GAK: variants seen among roughly 807,000 people sequenced by gnomAD.
GAK encodes cyclin G associated kinase.
GAK carries 79 observed loss-of-function variants against 143.9 expected under a neutral mutation model. That is an observed-to-expected ratio of 0.55 (90% CI 0.46 to 0.66). The LOEUF is 0.66. Among genes scored for constraint, GAK ranks in the 30% least tolerant of loss-of-function variants. The pLI, the probability that GAK is intolerant of heterozygous loss-of-function variation, is 0.00. For synonymous variants in GAK, 881 were observed against 765.5 expected (o/e 1.15, Z -2.49); for missense variants, 1,693 against 1,779.7 (o/e 0.95, Z 0.88).
rs747778612 is a variant in GAK at position 893,992 on chromosome 4, C to T, written c.759G>A (p.Leu253=). Residue 253 remains leucine (L), a synonymous_variant, in exon 8 of 28, where the codon TTG becomes TTA. Transcript: ENST00000314167. ...KQDIWALGCI[L]YLLCFRQHPF... is the part of the protein sequence containing the mutation. ...GGTGCTGCCGGAAGCACAGCAGGTACAAGATGCAGCCCAGGGCCTGCGGGG... is the reference window on the plus strand; with the variant it reads ...GGTGCTGCCGGAAGCACAGCAGGTATAAGATGCAGCCCAGGGCCTGCGGGG... 3 of 1,608,996 alleles carry T rather than the reference C, an allele frequency of 1.9e-6. No individual in the cohort carries two copies. The highest frequency in any genetic ancestry group is 1.7e-5 in the Admixed American group (1 of 59,466).
chr4:932,287 T>G lies in GAK; in HGVS notation c.-100A>C, dbSNP rs545668032. 1.4e-6 allele frequency: 2 copies of G among 1,393,698 alleles called. No individual in the cohort carries two copies. Among genetic ancestry groups the G allele is most frequent in the East Asian group, 5.9e-5 (2 of 33,800 alleles). 86.3% of individuals were successfully genotyped at this position (1,393,698 alleles called of 1,614,324 possible). A position where few individuals can be genotyped will look rare whatever the true frequency, so the allele number is the denominator to read the frequency against. On this transcript the variant is annotated 5_prime_UTR_variant, in exon 1 of 28. Coordinates refer to ENST00000314167, the MANE Select transcript of GAK (RefSeq NM_005255.4). This position sits in a 1 kb window ranked among gnomAD's most constrained non-coding sequence, Gnocchi z 4.0. ...AGCTCAGCAACCGCCGGCCCGGAGG[T>G]GCACCATCTTCCGCCTCGACGCCGT... is the stretch of plus-strand genomic sequence containing the variant.
At chr4:856,583 C>CCACCACAGCTGCTCACCACAGCTGCT (rs1749297277) in intron 24 of GAK, among the ~76,000 whole-genome samples, 1 of 73,450 alleles carries the variant, frequency 1.4e-5, no homozygotes, top group Non-Finnish European at 2.8e-5. Context: ...CAGCTGCTCA[C>CCACCACAGCTGCTCACCACAGCTGCT]CACCACAGGT....
At chr4:904,085 GC>G (rs1366654197) in intron 5 of GAK, among the ~76,000 whole-genome samples, 2 of 152,256 alleles carry the variant, frequency 1.3e-5, no homozygotes, top group Admixed American at 1.3e-4. Flanking sequence ...CTGAGCGGGA[GC>G]CCCCCACAGA....
intron 26 of GAK, chr4:850,272 G>A: frequency 2.1e-6 from 1 of 472,010 alleles, no homozygotes; most frequent in Non-Finnish European, 3.7e-6. Context: ...TGGTCTTCAT[G>A]TTTCAGGGCC....
At chr4:903,399 G>A (rs541031962) in intron 5 of GAK, among the ~76,000 whole-genome samples, 6 of 152,208 alleles carry the variant, frequency 3.9e-5, no homozygotes, top group African/African-American at 1.4e-4. Flanking sequence ...CCCTCAAGCT[G>A]AGTAGGCAAG....
chr4:883,427 A>G lies in GAK; in HGVS notation c.1292T>C (p.Leu431Pro). The change falls in exon 13 of 28, where the codon CTC becomes CCC. Residue 431 changes from leucine to proline, a missense_variant. Around this residue, in one of 2 missense-constraint regions of GAK, gnomAD observed 871 missense variants for 991.0 expected, o/e 0.88. Transcript: ENST00000314167. ...CCGCACATCTTCGATGTTGTTTTTGAGCGCTGACTCCACACCTTCTGCTGG... is the reference window on the plus strand; with the variant it reads ...CCGCACATCTTCGATGTTGTTTTTGGGCGCTGACTCCACACCTTCTGCTGG... ...SFPAEGVESA[L>P]KNNIEDVRLF... 1 of 1,613,732 alleles carries G rather than the reference A, an allele frequency of 6.2e-7. No individual in the cohort carries two copies. The highest frequency in any genetic ancestry group is 1.1e-5 in the South Asian group (1 of 91,086).
chr4:931,460 C>T (rs897264226), intron 1 of GAK, among the ~76,000 whole-genome samples: 3 of 145,834 alleles, frequency 2.1e-5, no homozygotes, highest in Admixed American at 7.0e-5. Flanking sequence ...ACCTGCAACA[C>T]GTGTGCACCC....
chr4:859,080 A>G lies in GAK; in HGVS notation c.3283+526T>C, dbSNP rs561499255. On this transcript the variant is annotated intron_variant, in intron 24 of 27. Coordinates refer to ENST00000314167, the MANE Select transcript of GAK (RefSeq NM_005255.4). ...GGATGCATCTTGGGAGTGAACCCAG[A>G]GACCCAGGGGCATCAGGTCAGCCCA... 223 of 787,462 alleles carry G rather than the reference A, an allele frequency of 2.8e-4. 1 individual carries two copies. In the South Asian group the frequency reaches 7.2e-3, roughly 25 times the overall value. The allele number at this position is 787,462 out of a possible 1,614,324, so 48.8% of individuals were successfully genotyped here.
intron 4 of GAK, among the ~76,000 whole-genome samples, chr4:908,037 G>T (rs1356141221): frequency 6.6e-6 from 1 of 152,156 alleles, no homozygotes; most frequent in East Asian, 1.9e-4. Context: ...ACTGGACGCC[G>T]AGCAGCTTCA....
chr4:896,573 AG>A (rs1718813688), intron 6 of GAK, 24 bp from the exon 7 acceptor site: 2 of 1,567,026 alleles, frequency 1.3e-6, no homozygotes, highest in East Asian at 4.5e-5. Flanking sequence ...AACATTTCAA[AG>A]GAAAAGTTGC....
At position 911,064 on chromosome 4, in the gene GAK, C is replaced by T. The variant is rs1027603226; in HGVS notation, c.382+609G>A. Among the ~76,000 whole-genome samples the T allele has an allele frequency of 2.8e-4, 43 of 152,194 alleles. No homozygotes were observed. The Middle Eastern group carries it at 0.017, about 60-fold the overall frequency. On this transcript the variant is annotated intron_variant, in intron 4 of 27. Transcript: ENST00000314167. ...CTCTGCCCCTAGAACTCTCCGAAAG[C>T]ACCACCCCAACCCACCGGCCTCTCT... is the stretch of plus-strand genomic sequence containing the variant.
At chr4:890,230 C>T (rs1016522208) in intron 10 of GAK, among the ~76,000 whole-genome samples, 1 of 152,160 alleles carries the variant, frequency 6.6e-6, no homozygotes, top group African/African-American at 2.4e-5. Flanking sequence ...TGAGCGAGGC[C>T]GCCTGGTCAC....
At chr4:853,786 T>C (rs2152687259) in intron 24 of GAK, 1 of 149,264 alleles carries the variant, frequency 6.7e-6, no homozygotes, top group Admixed American at 6.8e-5. Context: ...GGTCTCTTCA[T>C]GTCTCTTGCC....
chr4:920,105 G>C (rs987554725), intron 1 of GAK, among the ~76,000 whole-genome samples: 1 of 152,050 alleles, frequency 6.6e-6, no homozygotes, highest in Non-Finnish European at 1.5e-5. Flanking sequence ...AGGTGAGATC[G>C]AGACCATCCT....
chr4:894,230 CAG>C (rs1718293333), intron 7 of GAK: 2 of 359,534 alleles, frequency 5.6e-6, no homozygotes, highest in East Asian at 5.7e-5. Context: ...GCGGGAACAA[CAG>C]GGGTGACACC....
chr4:860,443 T>C (rs753838597), intron 23 of GAK, among the ~76,000 whole-genome samples: 15 of 151,720 alleles, frequency 9.9e-5, no homozygotes, highest in Non-Finnish European at 1.6e-4. Flanking sequence ...GTGGATCTAT[T>C]TGAGGAAAAA....
In GAK at chr4:849,925, A is replaced by G. The variant is rs1326176344; in HGVS notation, c.3801T>C (p.Tyr1267=). 7.5e-6 allele frequency: 12 copies of G among 1,596,140 alleles called. No individual in the cohort carries two copies. The highest frequency in any genetic ancestry group is 1.0e-5 in the Non-Finnish European group (12 of 1,170,648). ...LVAPEQVKKH[Y]RRAVLAVHPD... is the part of the protein sequence containing the mutation. ...GGTGCACAGCCAGCACCGCGCGGCG[A>G]TAGTGCTTCTTCACTTGCTCCGGAG... Residue 1267 remains tyrosine (Y), a synonymous_variant, in exon 27 of 28, where the codon TAT becomes TAC. Transcript: ENST00000314167.
intron 22 of GAK, 129 bp from the exon 23 acceptor site, chr4:865,373 GC>G: frequency 5.2e-6 from 6 of 1,144,998 alleles, no homozygotes; most frequent in Non-Finnish European, 7.5e-6. Flanking sequence ...CTGAGGCTGG[GC>G]TGACGGCCTC....
chr4:896,992 C>T (rs570535626), intron 6 of GAK, among the ~76,000 whole-genome samples: 1 of 152,316 alleles, frequency 6.6e-6, no homozygotes, highest in Non-Finnish European at 1.5e-5. Context: ...CAAGCTCACC[C>T]GACTGGTTCA....
Sources: gnomAD v4.1 joint callset for allele counts (sites outside exome capture counted in the v4.1 genomes callset) on GRCh38, gnomAD v4.1.1 for gene constraint, gnomAD v4.1.1 regional missense constraint, Gnocchi (gnomAD v3.1) non-coding constraint, MANE v1.5 for transcripts, NCBI Gene and HGNC (gene_info 2026-07-23, HGNC 2026-07-21) for gene names.